XKR6: variants seen among roughly 807,000 people sequenced by gnomAD.
XKR6 encodes XK-related protein 6.
A neutral mutation model predicts 56.7 loss-of-function variants in XKR6; 22 were observed. The ratio of observed to expected loss-of-function variants is 0.39; its 90% confidence interval spans 0.28 to 0.55. The LOEUF (loss-of-function observed/expected upper bound fraction) is 0.55, where lower values mean the gene tolerates loss of function less well. XKR6 is among the 20% of genes least tolerant of loss of function. The pLI is 0.66. For missense variants in XKR6, 852 were observed against 889.0 expected (o/e 0.96, Z 0.53); for synonymous variants, 524 against 387.8 (o/e 1.35, Z -4.13).
intron 1 of XKR6, among the ~76,000 whole-genome samples, chr8:11,002,964 C>A (rs1407774219): frequency 6.6e-6 from 1 of 151,946 alleles, no homozygotes; most frequent in African/African-American, 2.4e-5. Context: ...GGCACCAAAG[C>A]CCAGAGAAGG....
intron 1 of XKR6, among the ~76,000 whole-genome samples, chr8:10,988,370 C>T (rs1489459016): frequency 6.6e-6 from 1 of 152,224 alleles, no homozygotes; most frequent in Non-Finnish European, 1.5e-5. Context: ...CTCTGAAATA[C>T]TCAGTCATTT....
intron 1 of XKR6, among the ~76,000 whole-genome samples, chr8:10,927,026 C>T (rs1800908270): frequency 6.6e-6 from 1 of 152,118 alleles, no homozygotes; most frequent in Non-Finnish European, 1.5e-5. Context: ...GTGAAGGGAG[C>T]AGTGTCAAAC....
intron 1 of XKR6, among the ~76,000 whole-genome samples, chr8:11,110,486 C>T (rs886180298): frequency 2.6e-5 from 4 of 152,264 alleles, no homozygotes; most frequent in South Asian, 4.1e-4. Context: ...TTTCAATAAA[C>T]GAATACACGA....
chr8:11,034,065 G>A (rs1194459871), intron 1 of XKR6, among the ~76,000 whole-genome samples: 1 of 152,192 alleles, frequency 6.6e-6, no homozygotes, highest in Non-Finnish European at 1.5e-5. Flanking sequence ...TGTCTGCAAA[G>A]CACAGTCCAC....
intron 1 of XKR6, among the ~76,000 whole-genome samples, chr8:10,986,991 C>G (rs192093459): frequency 6.6e-6 from 1 of 151,790 alleles, no homozygotes; most frequent in African/African-American, 2.4e-5. Context: ...GGTCTCACTA[C>G]GTTGCACAGG....
intron 1 of XKR6, among the ~76,000 whole-genome samples, chr8:10,957,400 T>G (rs1195729167): frequency 6.6e-6 from 1 of 152,184 alleles, no homozygotes; most frequent in Non-Finnish European, 1.5e-5. Flanking sequence ...CCCCATTCCC[T>G]TCCTTCAGGC....
At chr8:11,100,099 T>C (rs1176255967) in intron 1 of XKR6, among the ~76,000 whole-genome samples, 1 of 152,130 alleles carries the variant, frequency 6.6e-6, no homozygotes, top group Admixed American at 6.6e-5. Flanking sequence ...TCGCCCAGGG[T>C]GGAGTGCAGT....
At chr8:10,912,468 GA>G (rs1800421283) in intron 2 of XKR6, among the ~76,000 whole-genome samples, 2 of 83,192 alleles carry the variant, frequency 2.4e-5, no homozygotes, top group African/African-American at 1.4e-4. Flanking sequence ...TATATATATA[GA>G]GAGAGAGAGA....
rs111392169 is a variant in XKR6 at position 11,003,641 on chromosome 8, G to A, written c.765-78811C>T. 1.5e-3 allele frequency among the ~76,000 whole-genome samples: 233 copies of A among 152,282 alleles called. 3 individuals are homozygous for A. The highest frequency in any genetic ancestry group is 5.4e-3 in the African/African-American group (224 of 41,544). ...TATCTTCATTTTACAAATGCAAAGT[G>A]AGGCTCAGAGAAGCCATGCAGCCTG... is the stretch of plus-strand genomic sequence containing the variant. On this transcript the variant is annotated intron_variant, in intron 1 of 2. Transcript: ENST00000416569.
chr8:11,106,653 A>C (rs1299717145), intron 1 of XKR6: 1 of 152,182 alleles, frequency 6.6e-6, no homozygotes, highest in Non-Finnish European at 1.5e-5. Context: ...GTTCAAGATC[A>C]GCCTGGCCAA....
chr8:11,159,255 T>A lies in XKR6; in HGVS notation c.764+41321A>T, dbSNP rs1801675400. ...CCTTCACCCTCTAGAAAGCATGTCATCAGAGAATAACAAACATTATCTTCA... is the reference window on the plus strand; with the variant it reads ...CCTTCACCCTCTAGAAAGCATGTCAACAGAGAATAACAAACATTATCTTCA... On this transcript the variant is annotated intron_variant, in intron 1 of 2. Transcript: ENST00000416569. 4.6e-5 allele frequency among the ~76,000 whole-genome samples: 7 copies of A among 152,348 alleles called. No homozygotes were observed. In the South Asian group the frequency reaches 1.4e-3, roughly 32 times the overall value.
chr8:10,974,951 G>T (rs967631857), intron 1 of XKR6, among the ~76,000 whole-genome samples: 1 of 152,184 alleles, frequency 6.6e-6, no homozygotes, highest in Non-Finnish European at 1.5e-5. Context: ...CTTACAAATG[G>T]TTAAAATGAT....
At chr8:11,110,678 G>A (rs1407372321) in intron 1 of XKR6, among the ~76,000 whole-genome samples, 1 of 152,084 alleles carries the variant, frequency 6.6e-6, no homozygotes, top group Non-Finnish European at 1.5e-5. Flanking sequence ...CTTAATCCCA[G>A]GAACAGGTAA....
chr8:10,976,151 G>A (rs1023200019), intron 1 of XKR6, among the ~76,000 whole-genome samples: 1 of 151,904 alleles, frequency 6.6e-6, no homozygotes, highest in African/African-American at 2.4e-5. Context: ...ACTCCAGCCT[G>A]GGTGACAGAG....
intron 2 of XKR6, among the ~76,000 whole-genome samples, chr8:10,912,031 T>G (rs1450599266): frequency 2.0e-5 from 3 of 148,574 alleles, no homozygotes; most frequent in Admixed American, 6.8e-5. Flanking sequence ...AGAGGGTGAG[T>G]ATATATACAC....
chr8:10,992,809 T>C (rs1798023417), intron 1 of XKR6, among the ~76,000 whole-genome samples: 1 of 152,146 alleles, frequency 6.6e-6, no homozygotes, highest in African/African-American at 2.4e-5. Flanking sequence ...GAAGAGGAGA[T>C]GGTCCTTGAG....
Position 11,134,698 on chromosome 8 carries a change from G to GCACACACA in XKR6, c.764+65870_764+65877dup, listed in dbSNP as rs148279384. 2.0e-5 allele frequency among the ~76,000 whole-genome samples: 3 copies of GCACACACA among 148,988 alleles called. No individual in the cohort carries two copies. In the South Asian group the frequency reaches 6.4e-4, roughly 32 times the overall value. Reference sequence around the variant, plus strand: ...ATGAAGGCTATCTGAATACACACACGCACACACACACACACACAGCCCCAA... The same window carrying GCACACACA: ...ATGAAGGCTATCTGAATACACACACGCACACACACACACACACACACACACAGCCCCAA... On this transcript the variant is annotated intron_variant, in intron 1 of 2. Transcript: ENST00000416569.
intron 1 of XKR6, among the ~76,000 whole-genome samples, chr8:11,161,799 T>C (rs1801827536): frequency 6.6e-6 from 1 of 152,088 alleles, no homozygotes. Context: ...ATAAAATATT[T>C]ACTGAAGTAT....
intron 1 of XKR6, among the ~76,000 whole-genome samples, chr8:11,087,007 T>C (rs1369574790): frequency 6.6e-6 from 1 of 152,218 alleles, no homozygotes; most frequent in Non-Finnish European, 1.5e-5. Flanking sequence ...ACTCTGCCTT[T>C]ACTTCCAGGG....
Sources: gnomAD v4.1 joint callset for allele counts (sites outside exome capture counted in the v4.1 genomes callset) on GRCh38, gnomAD v4.1.1 for gene constraint, MANE v1.5 for transcripts, NCBI Gene and HGNC (gene_info 2026-07-23, HGNC 2026-07-21) for gene names.